KCNS3: variants seen among roughly 807,000 people sequenced by gnomAD.
KCNS3 encodes delayed-rectifier potassium channel regulatory subunit KCNS3.
A neutral mutation model predicts 31.0 loss-of-function variants in KCNS3; 13 were observed. That is an observed-to-expected ratio of 0.42 (90% CI 0.27 to 0.67). The LOEUF (loss-of-function observed/expected upper bound fraction) is 0.67. Ranked by LOEUF, KCNS3 falls within the 30% of genes least tolerant of loss-of-function variation. The probability of loss-of-function intolerance (pLI) is 0.25; values close to 1 mark genes in which losing one functional copy is unlikely to be tolerated. For missense variants in KCNS3, 545 were observed against 622.4 expected (o/e 0.88, Z 1.32); for synonymous variants, 238 against 241.5 (o/e 0.99, Z 0.13).
At chr2:17,894,956 A>G (rs994629611) in intron 1 of KCNS3, among the ~76,000 whole-genome samples, 19 of 152,252 alleles carry the variant, frequency 1.2e-4, no homozygotes, top group African/African-American at 4.1e-4. Context: ...CATTTTAATA[A>G]GTCAAATTTA....
chr2:17,912,167 T>C (rs961556529), intron 1 of KCNS3, among the ~76,000 whole-genome samples: 1 of 152,238 alleles, frequency 6.6e-6, no homozygotes, highest in Non-Finnish European at 1.5e-5. Flanking sequence ...GCTTGTCTGA[T>C]TTATTTCTTC....
chr2:17,905,435 A>G (rs866485073), intron 1 of KCNS3, among the ~76,000 whole-genome samples: 2 of 152,120 alleles, frequency 1.3e-5, no homozygotes, highest in Non-Finnish European at 2.9e-5. Context: ...CTCTTTTCCT[A>G]ATTGAATACC....
upstream of KCNS3, among the ~76,000 whole-genome samples, chr2:17,878,454 G>A (rs1363885663): frequency 6.6e-6 from 1 of 151,836 alleles, no homozygotes. Flanking sequence ...TAGGTCTATG[G>A]GTCTGTCCGC....
intron 1 of KCNS3, among the ~76,000 whole-genome samples, chr2:17,897,126 A>AT (rs1160123626): frequency 6.6e-6 from 1 of 151,996 alleles, no homozygotes. Context: ...TCCCACTCAC[A>AT]TAAGTGAGAA....
chr2:17,914,825 T>C (rs1258349493), intron 1 of KCNS3, among the ~76,000 whole-genome samples: 1 of 152,178 alleles, frequency 6.6e-6, no homozygotes, highest in Non-Finnish European at 1.5e-5. Flanking sequence ...AGACCTACGG[T>C]GCACTGTCAC....
chr2:17,920,459 G>A (rs1188322566), intron 2 of KCNS3, among the ~76,000 whole-genome samples: 4 of 152,178 alleles, frequency 2.6e-5, no homozygotes, highest in Admixed American at 6.5e-5. Context: ...AAGAGGAGGC[G>A]AATAAAAGGT....
At chr2:17,923,214 G>A (rs1232851347) in intron 2 of KCNS3, among the ~76,000 whole-genome samples, 2 of 152,106 alleles carry the variant, frequency 1.3e-5, no homozygotes, top group African/African-American at 4.8e-5. Flanking sequence ...TTTTCCTAAT[G>A]TCTAATGATG....
rs747894491 is a variant in KCNS3 at position 17,932,226 on chromosome 2, C to T, written c.1218C>T (p.Phe406=). The part of the protein sequence containing the change: ...LVVALPITII[F]NKFSKYYQKQ... ...TGGCCCTTCCCATCACCATCATCTT[C>T]AACAAGTTTTCCAAGTACTACCAGA... The change falls in exon 3 of 3, where the codon TTC becomes TTT. Residue 406 remains phenylalanine, a synonymous_variant. Transcript: ENST00000304101. 4 of 1,614,064 alleles carry T rather than the reference C, an allele frequency of 2.5e-6. No individual in the cohort carries two copies. Among genetic ancestry groups the T allele is most frequent in the Non-Finnish European group, 3.4e-6 (4 of 1,179,974 alleles).
rs200376931 is a variant in KCNS3 at position 17,888,641 on chromosome 2, A to C, written c.-252+9835A>C. On this transcript the variant is annotated intron_variant, in intron 1 of 2. Coordinates refer to ENST00000304101, the MANE Select transcript of KCNS3 (RefSeq NM_002252.5). ...TAATAAAAAAAATGTATATATATAT[A>C]TATATATATATATATATATATATAT... is the stretch of plus-strand genomic sequence containing the variant. Among the ~76,000 whole-genome samples the C allele has an allele frequency of 3.8e-3, 280 of 73,182 alleles. 2 individuals are homozygous for C. Among genetic ancestry groups the C allele is most frequent in the East Asian group, 0.021 (36 of 1,690 alleles). 48.0% of individuals were successfully genotyped at this position (73,182 alleles called of 152,430 possible). A position where few individuals can be genotyped will look rare whatever the true frequency, so the allele number is the denominator to read the frequency against.
chr2:17,903,718 T>A (rs1330061806), intron 1 of KCNS3, among the ~76,000 whole-genome samples: 2 of 152,164 alleles, frequency 1.3e-5, no homozygotes, highest in African/African-American at 4.8e-5. Context: ...TTTGGTTTTT[T>A]GTCCTTGTGA....
intron 1 of KCNS3, among the ~76,000 whole-genome samples, chr2:17,887,484 G>GATCT (rs55654719): frequency 0.33 from 48,211 of 146,012 alleles, 8,005 homozygotes; most frequent in Admixed American, 0.36. Flanking sequence ...TCTATCATAT[G>GATCT]ATCTATCTAT....
At chr2:17,904,037 A>G (rs1662252596) in intron 1 of KCNS3, among the ~76,000 whole-genome samples, 1 of 152,188 alleles carries the variant, frequency 6.6e-6, no homozygotes. Flanking sequence ...CGCCACACTG[A>G]CTTCCACAAT....
chr2:17,888,629 G>GTATATCTATATATATA lies in KCNS3; in HGVS notation c.-252+9828_-252+9829insCTATATATATATATAT, dbSNP rs35102585. 1.6e-3 allele frequency among the ~76,000 whole-genome samples: 150 copies of GTATATCTATATATATA among 92,346 alleles called. 5 individuals carry two copies. The highest frequency in any genetic ancestry group is 6.1e-3 in the Middle Eastern group (1 of 164). The allele number at this position is 92,346 out of a possible 152,430, so 60.6% of individuals were successfully genotyped here. On this transcript the variant is annotated intron_variant, in intron 1 of 2. Coordinates refer to ENST00000304101, the MANE Select transcript of KCNS3 (RefSeq NM_002252.5). ...GAACTTAAAGTATAATAAAAAAAAT[G>GTATATCTATATATATA]TATATATATATATATATATATATAT...
intron 1 of KCNS3, among the ~76,000 whole-genome samples, chr2:17,900,846 C>G (rs1358311290): frequency 2.0e-5 from 3 of 152,046 alleles, no homozygotes; most frequent in Non-Finnish European, 4.4e-5. Flanking sequence ...ACAGGCAAGG[C>G]TAGTGGATAA....
chr2:17,885,539 A>G (rs1015226349), intron 1 of KCNS3, among the ~76,000 whole-genome samples: 6 of 152,210 alleles, frequency 3.9e-5, no homozygotes, highest in African/African-American at 1.4e-4. Context: ...GAAACCCAGG[A>G]GAGCCAACAC....
intron 1 of KCNS3, among the ~76,000 whole-genome samples, chr2:17,909,946 T>C (rs1033592505): frequency 2.6e-5 from 4 of 152,320 alleles, no homozygotes; most frequent in African/African-American, 9.6e-5. Context: ...AGGGACATGA[T>C]GTGATGCACA....
At chr2:17,899,237 GACAAA>G (rs1044637114) in intron 1 of KCNS3, among the ~76,000 whole-genome samples, 5 of 151,590 alleles carry the variant, frequency 3.3e-5, no homozygotes, top group East Asian at 1.9e-4. Flanking sequence ...AAATACAAAA[GACAAA>G]ACAAAACAAA....
intron 1 of KCNS3, among the ~76,000 whole-genome samples, chr2:17,892,309 C>G (rs1164353720): frequency 6.6e-6 from 1 of 151,382 alleles, no homozygotes; most frequent in Admixed American, 6.6e-5. Flanking sequence ...TATCTATTTC[C>G]TTGAATATTT....
intron 1 of KCNS3, among the ~76,000 whole-genome samples, chr2:17,911,759 G>A (rs1053398677): frequency 1.6e-4 from 24 of 152,242 alleles, no homozygotes; most frequent in Admixed American, 2.6e-4. Flanking sequence ...CAGTAGAGCT[G>A]TAGTAGCTAA....
Sources: allele counts gnomAD v4.1 joint callset (sites outside exome capture counted in the v4.1 genomes callset), GRCh38; gene constraint gnomAD v4.1.1; transcripts MANE v1.5; gene names NCBI Gene and HGNC (gene_info 2026-07-23, HGNC 2026-07-21).